The following DNAJC5B variants were observed in gnomAD, a reference collection of about 807,000 sequenced individuals.
DNAJC5B encodes dnaJ homolog subfamily C member 5B.
A neutral mutation model predicts 24.7 loss-of-function variants in DNAJC5B; 23 were observed. That is an observed-to-expected ratio of 0.93 (90% CI 0.67 to 1.32). The LOEUF (loss-of-function observed/expected upper bound fraction) is 1.32, where lower values mean the gene tolerates loss of function less well. Ranked by LOEUF, DNAJC5B falls within the 40% of genes most tolerant of loss-of-function variation. The pLI is 0.00. For synonymous variants in DNAJC5B, 101 were observed against 90.1 expected, an observed-to-expected ratio of 1.12 and a Z score of -0.68; for missense variants, 238 against 240.8, an observed-to-expected ratio of 0.99 and a Z score of 0.08.
chr8:66,069,945 C>A (rs551130167), intron 3 of DNAJC5B, among the ~76,000 whole-genome samples: 1 of 152,314 alleles, frequency 6.6e-6, no homozygotes, highest in South Asian at 2.1e-4. Context: ...GTAAACCGAA[C>A]CAATGACACA....
At chr8:66,089,797 C>A (rs1194161643) in intron 5 of DNAJC5B, among the ~76,000 whole-genome samples, 2 of 152,152 alleles carry the variant, frequency 1.3e-5, no homozygotes, top group Non-Finnish European at 2.9e-5. Context: ...GAAGTTCAAA[C>A]AGTGGCATCT....
At chr8:66,060,148 C>T (rs563401016) in intron 3 of DNAJC5B, among the ~76,000 whole-genome samples, 2 of 152,166 alleles carry the variant, frequency 1.3e-5, no homozygotes, top group Non-Finnish European at 2.9e-5. Flanking sequence ...TTCTCTAGGA[C>T]CCAGACACAT....
At chr8:66,088,683 C>A (rs1288718697) in intron 5 of DNAJC5B, among the ~76,000 whole-genome samples, 1 of 152,174 alleles carries the variant, frequency 6.6e-6, no homozygotes, top group Non-Finnish European at 1.5e-5. Flanking sequence ...TACCCTAAAT[C>A]ATCTCTTTCG....
chr8:66,055,271 G>A (rs1806938205), intron 3 of DNAJC5B, among the ~76,000 whole-genome samples: 1 of 152,154 alleles, frequency 6.6e-6, no homozygotes. Flanking sequence ...TATTCTGCAA[G>A]TTATTCAAAA....
intron 5 of DNAJC5B, among the ~76,000 whole-genome samples, chr8:66,086,285 C>T (rs867864620): frequency 6.6e-6 from 1 of 151,930 alleles, no homozygotes; most frequent in African/African-American, 2.4e-5. Context: ...GTTTCTTTTT[C>T]TTGCCTTGTT....
chr8:66,054,552 G>T (rs150717971), intron 3 of DNAJC5B, among the ~76,000 whole-genome samples: 416 of 152,212 alleles, frequency 2.7e-3, no homozygotes, highest in South Asian at 7.3e-3. Flanking sequence ...AATTCTTTGG[G>T]TTAGGGTTGG....
intron 3 of DNAJC5B, among the ~76,000 whole-genome samples, chr8:66,068,091 T>TAA (rs1793771098): frequency 6.6e-6 from 1 of 152,108 alleles, no homozygotes; most frequent in Non-Finnish European, 1.5e-5. Flanking sequence ...AAATAGGAAA[T>TAA]AAAAACACTT....
At chr8:66,067,211 C>T (rs2128962255) in intron 3 of DNAJC5B, among the ~76,000 whole-genome samples, 1 of 150,260 alleles carries the variant, frequency 6.7e-6, no homozygotes, top group African/African-American at 2.5e-5. Flanking sequence ...CGCCCCCCAC[C>T]CCCACATATT....
intron 1 of DNAJC5B, among the ~76,000 whole-genome samples, chr8:66,034,285 TG>T (rs1806431402): frequency 6.6e-6 from 1 of 151,514 alleles, no homozygotes; most frequent in African/African-American, 2.4e-5. Context: ...AAGATCTTAC[TG>T]GGACACACAG....
chr8:66,080,610 T>A, intron 5 of DNAJC5B, 62 bp downstream of exon 5: 2 of 1,419,130 alleles, frequency 1.4e-6, no homozygotes, highest in Non-Finnish European at 1.9e-6. Flanking sequence ...AAGCACCAGG[T>A]CCCACGGGGA....
chr8:66,050,001 T>C (rs948834135), intron 2 of DNAJC5B, among the ~76,000 whole-genome samples: 4 of 152,248 alleles, frequency 2.6e-5, no homozygotes, highest in African/African-American at 9.6e-5. Flanking sequence ...GAAAAATCGA[T>C]AAAGCAGACA....
At chr8:66,051,768 T>TCACTAAGA (rs1456021021) in intron 3 of DNAJC5B, 102 bp downstream of exon 3, 3 of 850,578 alleles carry the variant, frequency 3.5e-6, no homozygotes, top group Non-Finnish European at 5.7e-6. Flanking sequence ...AGACCAGTAA[T>TCACTAAGA]CCAAATTTTA....
At chr8:66,070,621 C>A (rs1807325164) in intron 3 of DNAJC5B, among the ~76,000 whole-genome samples, 2 of 152,214 alleles carry the variant, frequency 1.3e-5, no homozygotes, top group South Asian at 4.1e-4. Flanking sequence ...AATGGCCATA[C>A]TGCCCAAAGT....
At chr8:66,042,253 G>A (rs925467194) in intron 1 of DNAJC5B, among the ~76,000 whole-genome samples, 3 of 152,178 alleles carry the variant, frequency 2.0e-5, no homozygotes, top group African/African-American at 7.2e-5. Flanking sequence ...ATTGTTGAAT[G>A]AATACTGCAC....
At chr8:66,071,104 G>A (rs151180697) in intron 3 of DNAJC5B, among the ~76,000 whole-genome samples, 2,624 of 152,036 alleles carry the variant, frequency 0.017, 65 homozygotes, top group African/African-American at 0.059. Context: ...AAATCCTAGA[G>A]GAAAACCTAG....
chr8:66,050,091 T>C (rs1466369891), intron 2 of DNAJC5B, among the ~76,000 whole-genome samples: 1 of 152,234 alleles, frequency 6.6e-6, no homozygotes, highest in Non-Finnish European at 1.5e-5. Context: ...TTTATCACTA[T>C]TATTTTCCCA....
chr8:66,048,823 C>T lies in DNAJC5B; in HGVS notation c.-17-2708C>T, dbSNP rs148687019. The stretch of plus-strand genomic sequence containing the variant: ...TTCGGTTCAGGCTTCACCTTTTCTG[C>T]GAGGCCATCCCCTCCCACTCTCACT... On this transcript the variant is annotated intron_variant, in intron 2 of 5. Transcript: ENST00000276570. 3.8e-3 allele frequency among the ~76,000 whole-genome samples: 574 copies of T among 152,232 alleles called. 3 individuals carry two copies. The highest frequency in any genetic ancestry group is 6.5e-3 in the Non-Finnish European group (440 of 68,014).
chr8:66,085,839 G>T (rs920841237), intron 5 of DNAJC5B, among the ~76,000 whole-genome samples: 2 of 151,924 alleles, frequency 1.3e-5, no homozygotes, highest in African/African-American at 4.8e-5. Context: ...GAAAAATCCT[G>T]CTGGGATTTT....
At chr8:66,036,927 A>T (rs1269215661) in intron 1 of DNAJC5B, among the ~76,000 whole-genome samples, 8 of 152,118 alleles carry the variant, frequency 5.3e-5, no homozygotes, top group Non-Finnish European at 7.4e-5. Context: ...CTGCCCTCCC[A>T]CCCAGTCCTG....
Sources: gnomAD v4.1 joint callset for allele counts (sites outside exome capture counted in the v4.1 genomes callset) on GRCh38, gnomAD v4.1.1 for gene constraint, MANE v1.5 for transcripts, NCBI Gene and HGNC (gene_info 2026-07-23, HGNC 2026-07-21) for gene names.